The following MYT1L variants were observed in gnomAD, a reference collection of about 807,000 sequenced individuals.
MYT1L encodes myelin transcription factor 1 like, also known as myelin transcription factor 1-like protein.
A neutral mutation model predicts 126.7 loss-of-function variants in MYT1L; 12 were observed. The ratio of observed to expected loss-of-function variants is 0.09; its 90% CI spans 0.06 to 0.15. The LOEUF is 0.15. Among genes scored for constraint, MYT1L ranks in the 10% least tolerant of loss-of-function variants. The pLI is 1.00. For missense variants in MYT1L, 979 were observed against 1,585.2 expected (o/e 0.62, Z 6.49); for synonymous variants, 541 against 604.2 (o/e 0.90, Z 1.53).
intron 1 of MYT1L, among the ~76,000 whole-genome samples, chr2:2,327,404 C>A (rs994222485): frequency 6.6e-6 from 1 of 152,106 alleles, no homozygotes; most frequent in Non-Finnish European, 1.5e-5. Flanking sequence ...ATGTTATTTG[C>A]AAGTTTTTGT....
At chr2:1,886,629 G>T in intron 17 of MYT1L, 22 bp from the exon 18 acceptor site, 1 of 1,518,672 alleles carries the variant, frequency 6.6e-7, no homozygotes, top group South Asian at 1.3e-5. Context: ...GCCGGGACAG[G>T]CAGGTCAGTC....
At chr2:1,794,828 G>A (rs1405698621) in intron 23 of MYT1L, among the ~76,000 whole-genome samples, 3 of 152,134 alleles carry the variant, frequency 2.0e-5, no homozygotes, top group African/African-American at 7.2e-5. Flanking sequence ...ATCTCATTGT[G>A]TTAAATCTGC....
At chr2:2,120,217 C>T (rs1027803357) in intron 3 of MYT1L, among the ~76,000 whole-genome samples, 1 of 152,070 alleles carries the variant, frequency 6.6e-6, no homozygotes, top group Non-Finnish European at 1.5e-5. Context: ...GGTTCCTTTG[C>T]GTCTACATTC....
intron 2 of MYT1L, among the ~76,000 whole-genome samples, chr2:2,173,632 A>G (rs1572129295): frequency 6.6e-6 from 1 of 152,260 alleles, no homozygotes; most frequent in Non-Finnish European, 1.5e-5. Context: ...CTACTATCAA[A>G]GAGAGAATTT....
chr2:2,191,076 C>T lies in MYT1L; in HGVS notation c.-420-18088G>A, dbSNP rs182291101. On this transcript the variant is annotated intron_variant, in intron 2 of 24. Coordinates refer to ENST00000647738, the MANE Select transcript of MYT1L (RefSeq NM_001303052.2). ...CTGGGATTACAGGCGTGGGCCACCG[C>T]GCCTGGCTGTCCAGGTTGTTTTAAG... 2.2e-3 allele frequency among the ~76,000 whole-genome samples: 331 copies of T among 152,330 alleles called. 1 individual carries two copies. The highest frequency in any genetic ancestry group is 3.0e-3 in the Non-Finnish European group (202 of 68,024).
chr2:1,967,041 G>A (rs2059420027), intron 8 of MYT1L, among the ~76,000 whole-genome samples: 1 of 152,210 alleles, frequency 6.6e-6, no homozygotes. Context: ...AGTTTTGGGG[G>A]TACAAGTGGC....
chr2:2,002,072 C>T (rs2062447441), intron 4 of MYT1L, among the ~76,000 whole-genome samples: 1 of 152,194 alleles, frequency 6.6e-6, no homozygotes. Context: ...CAGAACAACA[C>T]CTTCTTAATA....
chr2:2,072,303 G>A (rs1023280708), intron 3 of MYT1L, among the ~76,000 whole-genome samples: 1 of 152,130 alleles, frequency 6.6e-6, no homozygotes, highest in Non-Finnish European at 1.5e-5. Context: ...CTATGTGCTG[G>A]CAATTCTTAA....
At position 2,181,136 on chromosome 2, in the gene MYT1L, CTG is replaced by C. The variant is rs1194170853; in HGVS notation, c.-420-8150_-420-8149del. The stretch of plus-strand genomic sequence containing the variant: ...TATCTGTACCTGTGTGCCTGTGTAC[CTG>C]TGTCTGTGCCTGAGTATGTACCTGT... On this transcript the variant is annotated intron_variant, in intron 2 of 24. Coordinates refer to ENST00000647738, the MANE Select transcript of MYT1L (RefSeq NM_001303052.2). Among the ~76,000 whole-genome samples the C allele has an allele frequency of 6.0e-5, 9 of 150,974 alleles. No individual in the cohort carries two copies. In the South Asian group the frequency reaches 1.1e-3, roughly 18 times the overall value.
At chr2:2,187,915 A>G (rs1466997106) in intron 2 of MYT1L, among the ~76,000 whole-genome samples, 1 of 152,100 alleles carries the variant, frequency 6.6e-6, no homozygotes, top group African/African-American at 2.4e-5. Flanking sequence ...CTCTCTCTCC[A>G]TATATATAAT....
intron 2 of MYT1L, among the ~76,000 whole-genome samples, chr2:2,251,798 C>A: frequency 7.0e-6 from 1 of 143,340 alleles, no homozygotes; most frequent in Non-Finnish European, 1.5e-5. Flanking sequence ...ATCATTTGAG[C>A]ATCTAATAAG....
chr2:1,840,906 T>TTC, intron 19 of MYT1L, 63 bp from the exon 20 acceptor site: 1 of 699,692 alleles, frequency 1.4e-6, no homozygotes, highest in East Asian at 3.4e-5. Flanking sequence ...CTTTCTTTCT[T>TTC]TTTTTTTTTT....
chr2:1,799,386 A>T (rs1041285132), intron 23 of MYT1L, among the ~76,000 whole-genome samples: 1 of 152,126 alleles, frequency 6.6e-6, no homozygotes, highest in African/African-American at 2.4e-5. Flanking sequence ...TAGGGCTCAG[A>T]TCCAGGCGGC....
At chr2:2,099,920 T>C (rs1226253647) in intron 3 of MYT1L, among the ~76,000 whole-genome samples, 2 of 152,240 alleles carry the variant, frequency 1.3e-5, no homozygotes, top group African/African-American at 4.8e-5. Flanking sequence ...GGCTAGGCTA[T>C]TCTGAAAGAC....
At chr2:2,226,447 G>A (rs370445496) in intron 2 of MYT1L, among the ~76,000 whole-genome samples, 68 of 152,242 alleles carry the variant, frequency 4.5e-4, no homozygotes, top group African/African-American at 1.4e-3. Flanking sequence ...CCAGAGTCAT[G>A]GCCGTGGACA....
intron 4 of MYT1L, among the ~76,000 whole-genome samples, chr2:2,028,369 A>G (rs550998182): frequency 6.6e-6 from 1 of 152,294 alleles, no homozygotes; most frequent in Non-Finnish European, 1.5e-5. Flanking sequence ...CAGTGTCAGG[A>G]TTGAAACTTT....
chr2:1,983,735 G>A (rs1029526108), intron 5 of MYT1L, among the ~76,000 whole-genome samples: 3 of 152,182 alleles, frequency 2.0e-5, no homozygotes, highest in African/African-American at 7.2e-5. Context: ...CATTCTTCTG[G>A]TGGTCCCAGG....
At chr2:2,105,810 T>C (rs761690151) in intron 3 of MYT1L, among the ~76,000 whole-genome samples, 4 of 152,198 alleles carry the variant, frequency 2.6e-5, no homozygotes, top group Admixed American at 6.5e-5. Flanking sequence ...ACAAATTACC[T>C]TATGAAACAG....
intron 4 of MYT1L, among the ~76,000 whole-genome samples, chr2:2,044,269 T>C (rs1428916559): frequency 6.6e-6 from 1 of 152,242 alleles, no homozygotes; most frequent in Non-Finnish European, 1.5e-5. Flanking sequence ...TAGTTACAAT[T>C]AAAGTCTTTC....
Sources: gnomAD v4.1 joint callset for allele counts (sites outside exome capture counted in the v4.1 genomes callset) on GRCh38, gnomAD v4.1.1 for gene constraint, MANE v1.5 for transcripts, NCBI Gene and HGNC (gene_info 2026-07-23, HGNC 2026-07-21) for gene names.